PDZD2: variants seen among roughly 807,000 people sequenced by gnomAD.
PDZD2 encodes the protein PDZ domain-containing protein 2.
Under a neutral mutation model 220.7 loss-of-function variants are expected in PDZD2, and 90 were observed. The observed-to-expected ratio is 0.41, with a 90% CI of 0.34 to 0.49. The LOEUF is 0.49. PDZD2 is among the 20% of genes least tolerant of loss of function. The probability of loss-of-function intolerance (pLI) is 0.28; values close to 1 mark genes in which losing one functional copy is unlikely to be tolerated. For missense variants in PDZD2, 3,174 were observed against 3,608.5 expected (o/e 0.88, Z 3.08); for synonymous variants, 1,375 against 1,450.5 (o/e 0.95, Z 1.18).
At chr5:31,950,259 C>T (rs998182683) in intron 2 of PDZD2, among the ~76,000 whole-genome samples, 4 of 152,144 alleles carry the variant, frequency 2.6e-5, no homozygotes, top group African/African-American at 9.7e-5. Flanking sequence ...CACTAGCATT[C>T]TACGCTGTTA....
chr5:31,755,649 A>G (rs1289376506), intron 1 of PDZD2, among the ~76,000 whole-genome samples: 5 of 149,982 alleles, frequency 3.3e-5, no homozygotes, highest in Non-Finnish European at 4.4e-5. Flanking sequence ...TTGTTTCCTC[A>G]AAGTAAACAT....
intron 2 of PDZD2, chr5:31,847,373 C>G (rs1053212551): frequency 2.3e-6 from 1 of 434,210 alleles, no homozygotes; most frequent in African/African-American, 2.0e-5. Context: ...TGCTAAGAAA[C>G]GCTTGGTGAT....
chr5:31,806,161 A>G (rs1362613435), intron 2 of PDZD2, among the ~76,000 whole-genome samples: 1 of 152,184 alleles, frequency 6.6e-6, no homozygotes, highest in Non-Finnish European at 1.5e-5. Context: ...GACACTGGAC[A>G]CTTTAGAGCA....
rs1744845983 is a variant in PDZD2 at position 31,639,338 on chromosome 5, T to C, written c.-460T>C. 1 of 149,468 alleles carries C rather than the reference T, an allele frequency of 6.7e-6. No homozygotes were observed. Among genetic ancestry groups the C allele is most frequent in the Admixed American group, 6.6e-5 (1 of 15,056 alleles). The allele number at this position is 149,468 out of a possible 1,614,324, so 9.3% of individuals were successfully genotyped here. On this transcript the variant is annotated 5_prime_UTR_variant, in exon 1 of 25. Coordinates refer to ENST00000438447, the MANE Select transcript of PDZD2 (RefSeq NM_178140.4). The surrounding 1 kb of genome is among the most constrained non-coding windows in gnomAD (Gnocchi z 4.1). The stretch of plus-strand genomic sequence containing the variant: ...GGGGCAGGCGCGGCGGCGGCACCGG[T>C]GGTGGCCGCGGTGGCGGCAGCTGCG...
intron 1 of PDZD2, chr5:31,738,685 T>C (rs1750053758): frequency 6.6e-6 from 1 of 152,120 alleles, no homozygotes; most frequent in Non-Finnish European, 1.5e-5. Context: ...TTTTAGAAAA[T>C]GTTGCATGTT....
Position 32,110,698 on chromosome 5 carries a change from A to ACAT in PDZD2, c.*2565_*2567dup, listed in dbSNP as rs1581526039. On this transcript the variant is annotated 3_prime_UTR_variant, in exon 25 of 25. Coordinates refer to ENST00000438447, the MANE Select transcript of PDZD2 (RefSeq NM_178140.4). ...CTGGGTTTCATTTCCATCTTCCCAC[A>ACAT]CATCTCATTGAATTTGATGGTTGAC... 6.5e-6 allele frequency: 1 copy of ACAT among 152,754 alleles called. No individual in the cohort carries two copies. Among genetic ancestry groups the ACAT allele is most frequent in the South Asian group, 2.1e-4 (1 of 4,816 alleles). 9.5% of individuals were successfully genotyped at this position (152,754 alleles called of 1,614,324 possible).
chr5:31,697,924 G>T (rs1747444850), intron 1 of PDZD2, among the ~76,000 whole-genome samples: 1 of 149,760 alleles, frequency 6.7e-6, no homozygotes, highest in East Asian at 2.0e-4. Context: ...TTTTTTTTTA[G>T]ACAGAGTCTC....
chr5:31,894,161 T>C (rs371315556), intron 2 of PDZD2, among the ~76,000 whole-genome samples: 6 of 147,454 alleles, frequency 4.1e-5, no homozygotes, highest in African/African-American at 1.5e-4. Flanking sequence ...GATCCACTCA[T>C]CTCAGCCTCC....
rs770665047 is a variant in PDZD2, at chr5:32,090,322, G to C, written c.6874G>C (p.Ala2292Pro). The C allele has an allele frequency of 9.3e-6, 15 of 1,614,102 alleles. No homozygotes were observed. The highest frequency in any genetic ancestry group is 1.2e-5 in the Non-Finnish European group (14 of 1,180,036). Residue 2292 changes from alanine to proline, a missense_variant, in exon 20 of 25, where the codon GCC becomes CCC. Ala to Pro is a conservative substitution (Grantham distance 27). Transcript: ENST00000438447. The surrounding 1 kb of genome is among the most constrained non-coding windows in gnomAD (Gnocchi z 4.3). ...PLLDTSRNLPATDEGDIISVQ... is the reference protein window; with the variant it reads ...PLLDTSRNLPPTDEGDIISVQ... ...GCTGGACACATCGAGGAATCTTCCAGCCACAGATGAAGGGGATATCATTTC... is the reference window on the plus strand; with the variant it reads ...GCTGGACACATCGAGGAATCTTCCACCCACAGATGAAGGGGATATCATTTC...
intron 2 of PDZD2, among the ~76,000 whole-genome samples, chr5:31,878,000 A>G (rs1307871718): frequency 6.6e-6 from 1 of 152,042 alleles, no homozygotes; most frequent in African/African-American, 2.4e-5. Context: ...ATTTTTGTTT[A>G]TGAAGGTATC....
intron 6 of PDZD2, among the ~76,000 whole-genome samples, chr5:32,016,649 C>T (rs76571130): frequency 0.014 from 2,180 of 152,286 alleles, 41 homozygotes; most frequent in Admixed American, 0.057. Context: ...CTCACAGTCT[C>T]TCTGAGCCCA....
intron 10 of PDZD2, among the ~76,000 whole-genome samples, chr5:32,057,222 T>C (rs2112326104): frequency 6.6e-6 from 1 of 152,342 alleles, no homozygotes; most frequent in East Asian, 1.9e-4. Flanking sequence ...TTCTCTGTGC[T>C]TGGGGAACTT....
At chr5:31,822,715 T>C (rs1057494524) in intron 2 of PDZD2, 9 of 1,274,152 alleles carry the variant, frequency 7.1e-6, no homozygotes, top group Admixed American at 3.7e-5. Context: ...TAATTCATCT[T>C]TCTGAGTTTG....
intron 2 of PDZD2, among the ~76,000 whole-genome samples, chr5:31,949,240 G>A (rs535469290): frequency 4.0e-5 from 6 of 150,552 alleles, no homozygotes; most frequent in African/African-American, 1.2e-4. Context: ...AGTTCTTCAC[G>A]TGCAACCAAC....
At chr5:31,644,637 A>G (rs1745070028) in intron 1 of PDZD2, among the ~76,000 whole-genome samples, 1 of 152,222 alleles carries the variant, frequency 6.6e-6, no homozygotes. Context: ...CAATGCCAGT[A>G]GTGTGTTCAC....
At chr5:31,654,747 C>T (rs1315964564) in intron 1 of PDZD2, among the ~76,000 whole-genome samples, 1 of 152,146 alleles carries the variant, frequency 6.6e-6, no homozygotes, top group Non-Finnish European at 1.5e-5. Flanking sequence ...TTAGGAATCT[C>T]CCAGTTGCTG....
rs1423449945 is a variant in PDZD2 at position 32,109,104 on chromosome 5, A to ATTT, written c.*972_*974dup. 2 of 151,946 alleles carry ATTT rather than the reference A, an allele frequency of 1.3e-5. No homozygotes were observed. The highest frequency in any genetic ancestry group is 2.9e-5 in the Non-Finnish European group (2 of 68,024). The allele number at this position is 151,946 out of a possible 1,614,324, so 9.4% of individuals were successfully genotyped here. On this transcript the variant is annotated 3_prime_UTR_variant, in exon 25 of 25. Coordinates refer to ENST00000438447, the MANE Select transcript of PDZD2 (RefSeq NM_178140.4). ...CACTCCAACCATGAATTTAAACTAAATTTTTAGAAATCAAGTATCTTTCTA... is the reference window on the plus strand; with the variant it reads ...CACTCCAACCATGAATTTAAACTAAATTTTTTTTAGAAATCAAGTATCTTTCTA...
intron 2 of PDZD2, among the ~76,000 whole-genome samples, chr5:31,883,023 C>CAAAAAAA (rs781370177): frequency 8.3e-5 from 4 of 47,958 alleles, no homozygotes; most frequent in Admixed American, 3.6e-4. Flanking sequence ...GACTCTGTCT[C>CAAAAAAA]AAAAAAAAAA....
intron 2 of PDZD2, among the ~76,000 whole-genome samples, chr5:31,855,656 C>T (rs1308400815): frequency 6.6e-6 from 1 of 152,216 alleles, no homozygotes; most frequent in Non-Finnish European, 1.5e-5. Flanking sequence ...TTTCTCTACC[C>T]GCGGGAACTG....
Sources: allele counts gnomAD v4.1 joint callset (sites outside exome capture counted in the v4.1 genomes callset), GRCh38; gene constraint gnomAD v4.1.1; non-coding constraint Gnocchi (gnomAD v3.1); transcripts MANE v1.5; gene names NCBI Gene and HGNC (gene_info 2026-07-23, HGNC 2026-07-21).